Variants in RBFOX1 observed in about 807,000 individuals in gnomAD.
RBFOX1 encodes RNA binding protein fox-1 homolog 1.
RBFOX1 carries 8 observed loss-of-function variants against 57.7 expected under a neutral mutation model. The ratio of observed to expected loss-of-function variants is 0.14; its 90% confidence interval spans 0.08 to 0.25. RBFOX1 has a LOEUF of 0.25. Ranked by LOEUF, RBFOX1 falls within the 10% of genes least tolerant of loss-of-function variation. The pLI is 1.00. For missense variants in RBFOX1, 611 were observed against 548.5 expected (o/e 1.11, Z -1.14); for synonymous variants, 326 against 222.4 (o/e 1.47, Z -4.15).
intron 4 of RBFOX1, among the ~76,000 whole-genome samples, chr16:7,302,053 C>G (rs920919402): frequency 6.6e-6 from 1 of 152,124 alleles, no homozygotes; most frequent in African/African-American, 2.4e-5. Context: ...ACTGCCAGCA[C>G]CCCCCAATAA....
At chr16:7,593,186 A>G (rs1175873138) in intron 7 of RBFOX1, among the ~76,000 whole-genome samples, 1 of 152,158 alleles carries the variant, frequency 6.6e-6, no homozygotes, top group African/African-American at 2.4e-5. Context: ...TCACTGGGCC[A>G]CACATTTTAA....
chr16:6,051,791 T>C (rs2152436354), intron 1 of RBFOX1, among the ~76,000 whole-genome samples: 1 of 152,328 alleles, frequency 6.6e-6, no homozygotes, highest in East Asian at 1.9e-4. Flanking sequence ...CTTGAACCCC[T>C]GACCTCAGGT....
At chr16:6,988,294 G>C (rs983888745) in intron 3 of RBFOX1, among the ~76,000 whole-genome samples, 1 of 152,154 alleles carries the variant, frequency 6.6e-6, no homozygotes, top group Admixed American at 6.5e-5. Context: ...CTTTAGAGCA[G>C]TGTAGTCTAT....
At chr16:6,551,068 C>G (rs1230667369) in intron 2 of RBFOX1, among the ~76,000 whole-genome samples, 1 of 152,132 alleles carries the variant, frequency 6.6e-6, no homozygotes, top group South Asian at 2.1e-4. Context: ...GGAATTTTGC[C>G]TCCTGGACCC....
chr16:6,819,198 T>C (rs1200133148), intron 3 of RBFOX1, among the ~76,000 whole-genome samples: 6 of 152,228 alleles, frequency 3.9e-5, no homozygotes, highest in African/African-American at 1.4e-4. Flanking sequence ...ACATTCTGTT[T>C]ATTTCCGTAT....
intron 4 of RBFOX1, among the ~76,000 whole-genome samples, chr16:5,956,654 A>ATT (rs1567189638): frequency 1.8e-4 from 15 of 81,788 alleles, no homozygotes; most frequent in African/African-American, 6.2e-4. Context: ...ATATATATAT[A>ATT]TATTTATATA....
intron 2 of RBFOX1, among the ~76,000 whole-genome samples, chr16:6,463,775 C>G (rs1416292501): frequency 6.6e-6 from 1 of 152,186 alleles, no homozygotes; most frequent in Admixed American, 6.5e-5. Flanking sequence ...ATTCCCTGAA[C>G]AGCACCAGCA....
intron 12 of RBFOX1, among the ~76,000 whole-genome samples, chr16:7,663,784 A>G (rs566407262): frequency 2.0e-5 from 3 of 152,188 alleles, no homozygotes; most frequent in Non-Finnish European, 4.4e-5. Flanking sequence ...TTCATATGCA[A>G]GATGCCTTGT....
chr16:7,037,886 T>C (rs2044995671), intron 3 of RBFOX1, among the ~76,000 whole-genome samples: 1 of 152,244 alleles, frequency 6.6e-6, no homozygotes. Context: ...ATGGCCTGTG[T>C]GTCTCTGCTG....
At chr16:5,808,066 C>G (rs1262958678) in intron 3 of RBFOX1, among the ~76,000 whole-genome samples, 1 of 152,142 alleles carries the variant, frequency 6.6e-6, no homozygotes, top group African/African-American at 2.4e-5. Flanking sequence ...GAATTTTGTC[C>G]CCAGTCCCAT....
At chr16:6,544,895 T>C (rs781121698) in intron 2 of RBFOX1, among the ~76,000 whole-genome samples, 2 of 152,242 alleles carry the variant, frequency 1.3e-5, no homozygotes, top group Non-Finnish European at 2.9e-5. Flanking sequence ...TACCATTGTT[T>C]GCACATGTCT....
At chr16:5,418,956 T>C (rs1453734122) in intron 1 of RBFOX1, among the ~76,000 whole-genome samples, 4 of 151,612 alleles carry the variant, frequency 2.6e-5, no homozygotes, top group Non-Finnish European at 5.9e-5. Flanking sequence ...GCCAGGAGAG[T>C]ATCTAGTTGA....
chr16:7,280,162 A>G (rs1427163362), intron 4 of RBFOX1, among the ~76,000 whole-genome samples: 5 of 152,210 alleles, frequency 3.3e-5, no homozygotes, highest in Non-Finnish European at 7.3e-5. Flanking sequence ...TGCAAACGCA[A>G]AGGAAAACAC....
chr16:6,671,320 G>A (rs1164154012), intron 3 of RBFOX1, among the ~76,000 whole-genome samples: 1 of 152,166 alleles, frequency 6.6e-6, no homozygotes. Flanking sequence ...ACTTGTGTCA[G>A]AGGTCCATGG....
chr16:5,942,413 A>T (rs1380372668), intron 4 of RBFOX1, among the ~76,000 whole-genome samples: 7 of 152,154 alleles, frequency 4.6e-5, no homozygotes, highest in Non-Finnish European at 8.8e-5. Context: ...GAGTGGAATC[A>T]TTTGGTTGTC....
At chr16:7,039,821 G>A (rs896843981) in intron 3 of RBFOX1, among the ~76,000 whole-genome samples, 3 of 152,040 alleles carry the variant, frequency 2.0e-5, no homozygotes, top group Admixed American at 1.3e-4. Context: ...CATTACACAT[G>A]AGACCCTAGA....
rs2152271633 is a variant in RBFOX1 at position 5,946,700 on chromosome 16, A to G, written c.351+79365A>G. On this transcript the variant is annotated intron_variant, in intron 4 of 19. Coordinates refer to the RBFOX1 transcript ENST00000641259. The surrounding 1 kb of genome is among the most constrained non-coding windows in gnomAD (Gnocchi z 4.6). ...TCTGATTTATAACCAGATGGTGAGAAGGGAAGTACAGGCTTGCTCTGAAGT... is the reference window on the plus strand; with the variant it reads ...TCTGATTTATAACCAGATGGTGAGAGGGGAAGTACAGGCTTGCTCTGAAGT... 6.6e-6 allele frequency among the ~76,000 whole-genome samples: 1 copy of G among 152,290 alleles called. No individual in the cohort carries two copies. The highest frequency in any genetic ancestry group is 1.5e-5 in the Non-Finnish European group (1 of 68,018).
chr16:5,944,049 C>T (rs1055549572), intron 4 of RBFOX1, among the ~76,000 whole-genome samples: 2 of 139,386 alleles, frequency 1.4e-5, no homozygotes, highest in Non-Finnish European at 2.9e-5. Context: ...TATCATCAAT[C>T]CATCCATCCA....
chr16:6,479,213 A>G (rs965398881), intron 2 of RBFOX1, among the ~76,000 whole-genome samples: 1 of 152,240 alleles, frequency 6.6e-6, no homozygotes, highest in African/African-American at 2.4e-5. Flanking sequence ...AAGAAGTTTA[A>G]TTGACTCACA....
Sources: gnomAD v4.1 joint callset for allele counts (sites outside exome capture counted in the v4.1 genomes callset) on GRCh38, gnomAD v4.1.1 for gene constraint, Gnocchi (gnomAD v3.1) non-coding constraint, MANE v1.5 for transcripts, NCBI Gene and HGNC (gene_info 2026-07-23, HGNC 2026-07-21) for gene names.